Variants in DMRT1 observed in about 807,000 individuals in gnomAD.
The protein encoded by DMRT1 is doublesex- and mab-3-related transcription factor 1.
A neutral mutation model predicts 32.3 loss-of-function variants in DMRT1; 7 were observed. The observed-to-expected ratio is 0.22, with a 90% CI of 0.12 to 0.41. The LOEUF (loss-of-function observed/expected upper bound fraction) is 0.41, where lower values mean the gene tolerates loss of function less well. Among genes scored for constraint, DMRT1 ranks in the 10% least tolerant of loss-of-function variants. The pLI, the probability that DMRT1 is intolerant of heterozygous loss-of-function variation, is 1.00. For synonymous variants in DMRT1, 278 were observed against 206.1 expected, an observed-to-expected ratio of 1.35 and a Z score of -2.99; for missense variants, 625 against 500.5, an observed-to-expected ratio of 1.25 and a Z score of -2.37.
At chr9:895,509 C>A (rs1288812446) in intron 3 of DMRT1, among the ~76,000 whole-genome samples, 1 of 152,158 alleles carries the variant, frequency 6.6e-6, no homozygotes, top group East Asian at 1.9e-4. Context: ...AAGTGTTTGA[C>A]CCTCTTTTTC....
chr9:914,564 A>G (rs1818108325), intron 3 of DMRT1, among the ~76,000 whole-genome samples: 1 of 98,694 alleles, frequency 1.0e-5, no homozygotes, highest in Non-Finnish European at 1.9e-5. Context: ...ACAGAGTGGG[A>G]CTCTGTCTCA....
intron 4 of DMRT1, among the ~76,000 whole-genome samples, chr9:952,874 G>T (rs1329888811): frequency 6.6e-6 from 1 of 152,150 alleles, no homozygotes; most frequent in Non-Finnish European, 1.5e-5. Context: ...ACCAAATGTT[G>T]GCGTGTTGGT....
chr9:857,438 C>G (rs1170667292), intron 2 of DMRT1, among the ~76,000 whole-genome samples: 8 of 152,074 alleles, frequency 5.3e-5, no homozygotes, highest in Non-Finnish European at 1.0e-4. Context: ...TAAAGCAATT[C>G]ATAAAGGGAC....
chr9:883,452 A>G (rs779040174), intron 2 of DMRT1, among the ~76,000 whole-genome samples: 3 of 151,962 alleles, frequency 2.0e-5, no homozygotes, highest in African/African-American at 7.3e-5. Context: ...ATCAGTCATC[A>G]TCGAATGACA....
intron 1 of DMRT1, among the ~76,000 whole-genome samples, chr9:845,287 G>A (rs1457845423): frequency 1.3e-5 from 2 of 151,940 alleles, no homozygotes; most frequent in Admixed American, 1.3e-4. Flanking sequence ...TCGGCTCACT[G>A]CAACCTCCAC....
At chr9:856,295 A>G (rs1815398386) in intron 2 of DMRT1, among the ~76,000 whole-genome samples, 1 of 152,168 alleles carries the variant, frequency 6.6e-6, no homozygotes, top group Non-Finnish European at 1.5e-5. Flanking sequence ...CAGGTAATTC[A>G]TTTGTCTCAA....
chr9:963,293 C>A (rs1288344110), intron 4 of DMRT1, among the ~76,000 whole-genome samples: 2 of 152,150 alleles, frequency 1.3e-5, no homozygotes, highest in African/African-American at 4.8e-5. Flanking sequence ...AACCGATACT[C>A]GATTTTAAAG....
chr9:854,720 A>C (rs973247284), intron 2 of DMRT1, among the ~76,000 whole-genome samples: 10 of 150,770 alleles, frequency 6.6e-5, no homozygotes, highest in African/African-American at 2.2e-4. Flanking sequence ...ACATTCCCAA[A>C]TTTTACTTTC....
In DMRT1 at chr9:916,739, T is replaced by G. The variant is rs768146597; in HGVS notation, c.823-24T>G. 3 of 1,613,514 alleles carry G rather than the reference T, an allele frequency of 1.9e-6. No homozygotes were observed. The South Asian group carries it at 3.3e-5, about 18-fold the overall frequency. On this transcript the variant is annotated intron_variant, in intron 3 of 4. Transcript: ENST00000382276. ...GTGACATGCAATGTTGATCTCAGTA[T>G]ATTTCTTCTTTTTTCTTAAGCAGAT...
intron 2 of DMRT1, among the ~76,000 whole-genome samples, chr9:878,204 C>G (rs558943657): frequency 4.9e-4 from 53 of 107,520 alleles, no homozygotes; most frequent in East Asian, 1.1e-3. Flanking sequence ...GCTGCTGCCC[C>G]CCCCCCACCC....
chr9:876,771 T>A (rs964459087), intron 2 of DMRT1, among the ~76,000 whole-genome samples: 1 of 152,118 alleles, frequency 6.6e-6, no homozygotes. Context: ...CCTCAAGCAA[T>A]CCTCCCGCCT....
At chr9:963,148 G>A (rs1160530257) in intron 4 of DMRT1, among the ~76,000 whole-genome samples, 1 of 152,130 alleles carries the variant, frequency 6.6e-6, no homozygotes, top group African/African-American at 2.4e-5. Context: ...CAACGAGGAA[G>A]CACTGATAAT....
intron 2 of DMRT1, among the ~76,000 whole-genome samples, chr9:874,922 C>T (rs1197059915): frequency 6.6e-6 from 1 of 150,466 alleles, no homozygotes; most frequent in Admixed American, 6.7e-5. Context: ...ATTCTCTTGC[C>T]TCAGCCTCTT....
chr9:900,056 A>G (rs530909912), intron 3 of DMRT1, among the ~76,000 whole-genome samples: 4 of 152,366 alleles, frequency 2.6e-5, no homozygotes, highest in South Asian at 4.1e-4. Context: ...AGAGCCCACC[A>G]TGTGCTGGGG....
At chr9:876,528 CT>C (rs112659992) in intron 2 of DMRT1, among the ~76,000 whole-genome samples, 1,909 of 145,440 alleles carry the variant, frequency 0.013, 45 homozygotes, top group African/African-American at 0.043. Context: ...CGTCAATAGG[CT>C]TTTTTTTTTT....
At chr9:867,668 A>T (rs1816048951) in intron 2 of DMRT1, among the ~76,000 whole-genome samples, 1 of 152,154 alleles carries the variant, frequency 6.6e-6, no homozygotes, top group African/African-American at 2.4e-5. Flanking sequence ...CGGGTCTGTG[A>T]CCCACAGCCC....
chr9:876,739 C>G (rs1432397241), intron 2 of DMRT1, among the ~76,000 whole-genome samples: 1 of 152,096 alleles, frequency 6.6e-6, no homozygotes, highest in Non-Finnish European at 1.5e-5. Flanking sequence ...CCATGTTGCT[C>G]AGGTTGGTCT....
At chr9:959,742 C>T (rs980135689) in intron 4 of DMRT1, among the ~76,000 whole-genome samples, 154 of 151,396 alleles carry the variant, frequency 1.0e-3, no homozygotes, top group African/African-American at 3.7e-3. Flanking sequence ...TGGCCAGGCT[C>T]GTCTTGAGCT....
chr9:891,305 G>C (rs374243756), intron 2 of DMRT1, among the ~76,000 whole-genome samples: 8 of 151,712 alleles, frequency 5.3e-5, no homozygotes, highest in African/African-American at 1.7e-4. Flanking sequence ...ACAAAAATCA[G>C]CCAGGCATGG....
Sources: allele counts gnomAD v4.1 joint callset (sites outside exome capture counted in the v4.1 genomes callset), GRCh38; gene constraint gnomAD v4.1.1; transcripts MANE v1.5; gene names NCBI Gene and HGNC (gene_info 2026-07-23, HGNC 2026-07-21).